The following PTGS2 variants were observed in gnomAD, a reference collection of about 807,000 sequenced individuals.
The protein encoded by PTGS2 is prostaglandin-endoperoxide synthase 2.
In PTGS2, 14 loss-of-function variants were observed where a neutral mutation model predicts 63.8. The ratio of observed to expected loss-of-function variants is 0.22; its 90% confidence interval spans 0.14 to 0.34. The LOEUF is 0.34. Ranked by LOEUF, PTGS2 falls within the 10% of genes least tolerant of loss-of-function variation. The pLI, the probability that PTGS2 is intolerant of heterozygous loss-of-function variation, is 1.00. For synonymous variants in PTGS2, 271 were observed against 259.5 expected, an observed-to-expected ratio of 1.04 and a Z score of -0.43; for missense variants, 533 against 738.5, an observed-to-expected ratio of 0.72 and a Z score of 3.23.
At position 186,677,784 on chromosome 1, in the gene PTGS2, A is replaced by G; in HGVS notation, c.504T>C (p.Leu168=). The change falls in exon 5 of 10, where the codon CTT becomes CTC. Residue 168 remains leucine (L), a synonymous_variant. Transcript: ENST00000367468. ...GATCAGGGATGAACTTTCTTCTTAGAAGCAATTTTTCCACAATCTCATTTG... is the reference window on the plus strand; with the variant it reads ...GATCAGGGATGAACTTTCTTCTTAGGAGCAATTTTTCCACAATCTCATTTG... ...PDSNEIVEKL[L]LRRKFIPDPQ... 1 of 1,613,486 alleles carries G rather than the reference A, an allele frequency of 6.2e-7. No individual in the cohort carries two copies.
At chr1:186,678,218 C>T (rs752484424) in intron 4 of PTGS2, 43 bp downstream of exon 4, 15 of 1,499,416 alleles carry the variant, frequency 1.0e-5, no homozygotes, top group African/African-American at 2.9e-5. Flanking sequence ...CAATGCAGCC[C>T]GTCTTATAGT....
intron 7 of PTGS2, 134 bp from the exon 8 acceptor site, chr1:186,676,318 A>T: frequency 7.3e-7 from 1 of 1,372,906 alleles, no homozygotes; most frequent in Non-Finnish European, 9.9e-7. Flanking sequence ...AAAGATAGCT[A>T]TTTTATCAGT....
chr1:186,679,398 T>C lies in PTGS2; in HGVS notation c.93A>G (p.Val31=). The C allele has an allele frequency of 1.2e-6, 2 of 1,614,168 alleles. No homozygotes were observed. Among genetic ancestry groups the C allele is most frequent in the Non-Finnish European group, 1.7e-6 (2 of 1,180,018 alleles). ...ACTGGTCAAATCCCACACTCATACA[T>C]ACACCTCGGTTTTGACATGGGTGGG... The part of the protein sequence containing the change: ...CCSHPCQNRG[V]CMSVGFDQYK... Residue 31 remains valine, a synonymous_variant, in exon 2 of 10, where the codon GTA becomes GTG. Transcript: ENST00000367468.
Position 186,679,315 on chromosome 1 carries a change from A to C in PTGS2, c.169+7T>G, listed in dbSNP as rs1423834208. 1 of 1,613,952 alleles carries C rather than the reference A, an allele frequency of 6.2e-7. No homozygotes were observed. Among genetic ancestry groups the C allele is most frequent in the Non-Finnish European group, 8.5e-7 (1 of 1,179,948 alleles). On this transcript the variant is annotated splice_region_variant and intron_variant, in intron 2 of 9. Transcript: ENST00000367468. Reference sequence around the variant, plus strand: ...CTCCTAATGAGGCAACCAAAGGACAAACTTACGTGTTGAGCAGTTTTCTCC... The same window carrying C: ...CTCCTAATGAGGCAACCAAAGGACACACTTACGTGTTGAGCAGTTTTCTCC...
Position 186,674,330 on chromosome 1 carries a change from A to G in PTGS2, c.*23T>C. 1 of 1,402,292 alleles carries G rather than the reference A, an allele frequency of 7.1e-7. No homozygotes were observed. The allele number at this position is 1,402,292 out of a possible 1,614,324, so 86.9% of individuals were successfully genotyped here. A position where few individuals can be genotyped will look rare whatever the true frequency, so the allele number is the denominator to read the frequency against. ...ATTAATAGACATGGTTCATATAAAT[A>G]AATAAATATGATCATTAGACTTCTA... On this transcript the variant is annotated 3_prime_UTR_variant, in exon 10 of 10. Coordinates refer to ENST00000367468, the MANE Select transcript of PTGS2 (RefSeq NM_000963.4).
rs1665712943 is a variant in PTGS2 at position 186,672,837 on chromosome 1, T to C, written c.*1516A>G. 6 of 152,424 alleles carry C rather than the reference T, an allele frequency of 3.9e-5. No individual in the cohort carries two copies. The highest frequency in any genetic ancestry group is 3.9e-4 in the Admixed American group (6 of 15,272). The allele number at this position is 152,424 out of a possible 1,614,324, so 9.4% of individuals were successfully genotyped here. ...GGTTACAGATAGCTAAAATTAGCTATAAATAAAATTCTCTGCTTTTCACTT... is the reference window on the plus strand; with the variant it reads ...GGTTACAGATAGCTAAAATTAGCTACAAATAAAATTCTCTGCTTTTCACTT... On this transcript the variant is annotated 3_prime_UTR_variant, in exon 10 of 10. Coordinates refer to ENST00000367468, the MANE Select transcript of PTGS2 (RefSeq NM_000963.4).
intron 3 of PTGS2, 123 bp downstream of exon 3, chr1:186,678,935 T>A: frequency 1.6e-6 from 2 of 1,264,314 alleles, no homozygotes; most frequent in Non-Finnish European, 2.1e-6. Flanking sequence ...AAGGCAAACT[T>A]AAAAGCTATC....
chr1:186,672,395 C>A lies in PTGS2; in HGVS notation c.*1958G>T, dbSNP rs200531158. The A allele has an allele frequency of 1.3e-5, 2 of 152,152 alleles. No individual in the cohort carries two copies. Among genetic ancestry groups the A allele is most frequent in the Non-Finnish European group, 2.9e-5 (2 of 67,976 alleles). 9.4% of individuals were successfully genotyped at this position (152,152 alleles called of 1,614,324 possible). ...GACAAACATTCAACCTTAAATATCT[C>A]AATATGCCAATCAGATTTCTAAAAA... is the stretch of plus-strand genomic sequence containing the variant. On this transcript the variant is annotated 3_prime_UTR_variant, in exon 10 of 10. Transcript: ENST00000367468.
In PTGS2 at chr1:186,679,115, T is replaced by C. The variant is rs1331433720; in HGVS notation, c.256A>G (p.Asn86Asp). The change falls in exon 3 of 10, where the codon AAC (asparagine) becomes GAC (aspartate). Residue 86 changes from asparagine to aspartate, a missense_variant. Transcript: ENST00000367468. ...YILTHFKGFW[N>D]VVNNIPFLRN... ...AGGAAGGGAATGTTATTCACAACGTTCCAAAATCCCTTGAAGTGGGTAAGT... is the reference window on the plus strand; with the variant it reads ...AGGAAGGGAATGTTATTCACAACGTCCCAAAATCCCTTGAAGTGGGTAAGT... 6.2e-7 allele frequency: 1 copy of C among 1,614,140 alleles called. No homozygotes were observed. Among genetic ancestry groups the C allele is most frequent in the Admixed American group, 1.7e-5 (1 of 60,020 alleles).
In PTGS2 at chr1:186,672,263, C is replaced by T. The variant is rs202089327; in HGVS notation, c.*2090G>A. The stretch of plus-strand genomic sequence containing the variant: ...AATAAATTGTGGCTGAACAAATTAA[C>T]GAAGCATCCACAGATCCCTCAAAAC... On this transcript the variant is annotated 3_prime_UTR_variant, in exon 10 of 10. Coordinates refer to ENST00000367468, the MANE Select transcript of PTGS2 (RefSeq NM_000963.4). 7 of 152,024 alleles carry T rather than the reference C, an allele frequency of 4.6e-5. No individual in the cohort carries two copies. The highest frequency in any genetic ancestry group is 9.7e-5 in the African/African-American group (4 of 41,426). The allele number at this position is 152,024 out of a possible 1,614,324, so 9.4% of individuals were successfully genotyped here. A position where few individuals can be genotyped will look rare whatever the true frequency, so the allele number is the denominator to read the frequency against.
chr1:186,676,361 T>G, intron 7 of PTGS2, 106 bp downstream of exon 7: 2 of 1,464,522 alleles, frequency 1.4e-6, no homozygotes, highest in Non-Finnish European at 1.9e-6. Context: ...ATAGAATGTG[T>G]GAGTTTTCAT....
rs1027460862 is a variant in PTGS2, at chr1:186,672,208, C to A, written c.*2145G>T. On this transcript the variant is annotated 3_prime_UTR_variant, in exon 10 of 10. Coordinates refer to ENST00000367468, the MANE Select transcript of PTGS2 (RefSeq NM_000963.4). ...AGCGTTTGATTTAAAAATATTAAAA[C>A]CCACAGTGCTTGACACAGAATATTT... The A allele has an allele frequency of 2.0e-5, 3 of 151,954 alleles. No homozygotes were observed. Among genetic ancestry groups the A allele is most frequent in the African/African-American group, 7.2e-5 (3 of 41,396 alleles). The allele number at this position is 151,954 out of a possible 1,614,324, so 9.4% of individuals were successfully genotyped here.
chr1:186,678,576 A>G lies in PTGS2; in HGVS notation c.314-172T>C, dbSNP rs563412199. Among the ~76,000 whole-genome samples the G allele has an allele frequency of 1.4e-4, 21 of 152,352 alleles. 1 individual carries two copies. The South Asian group carries it at 4.4e-3, about 32-fold the overall frequency. ...TTATAGTCTAATGGCCACTTGAAAT[A>G]CATCTTTAATAAAATACATATACTC... On this transcript the variant is annotated intron_variant, in intron 3 of 9. Coordinates refer to ENST00000367468, the MANE Select transcript of PTGS2 (RefSeq NM_000963.4).
At chr1:186,675,690 G>A (rs1003757875) in intron 8 of PTGS2, 71 of 623,202 alleles carry the variant, frequency 1.1e-4, no homozygotes, top group Non-Finnish European at 1.7e-4. Context: ...TAAGGTAGGG[G>A]TACAATTTGC....
rs910492378 is a variant in PTGS2 at position 186,679,305 on chromosome 1, C to G, written c.169+17G>C. On this transcript the variant is annotated intron_variant, in intron 2 of 9. Transcript: ENST00000367468. The stretch of plus-strand genomic sequence containing the variant: ...TCCAGCCCCACTCCTAATGAGGCAA[C>G]CAAAGGACAAACTTACGTGTTGAGC... The G allele has an allele frequency of 6.2e-6, 10 of 1,613,782 alleles. No individual in the cohort carries two copies. The highest frequency in any genetic ancestry group is 1.3e-5 in the African/African-American group (1 of 75,030).
At chr1:186,676,395 A>C in intron 7 of PTGS2, 72 bp downstream of exon 7, 1 of 1,559,560 alleles carries the variant, frequency 6.4e-7, no homozygotes, top group Non-Finnish European at 8.7e-7. Context: ...TCATTTACTC[A>C]AAACATAACA....
At position 186,679,644 on chromosome 1, in the gene PTGS2, T is replaced by C. The variant is rs542612715; in HGVS notation, c.53-206A>G. On this transcript the variant is annotated intron_variant, in intron 1 of 9. Transcript: ENST00000367468. The stretch of plus-strand genomic sequence containing the variant: ...ATTCTAAATAAGGATAACAGCATAT[T>C]CAACTTGGTACATCATGTTACTAAG... Among the ~76,000 whole-genome samples, 5 of 152,322 alleles carry C rather than the reference T, an allele frequency of 3.3e-5. No individual in the cohort carries two copies. In the East Asian group the frequency reaches 9.7e-4, roughly 29 times the overall value.
Position 186,676,172 on chromosome 1 carries a change from T to C in PTGS2, c.983A>G (p.Lys328Arg), listed in dbSNP as rs199520386. 8.6e-5 allele frequency: 139 copies of C among 1,608,816 alleles called. 1 individual carries two copies. The highest frequency in any genetic ancestry group is 1.7e-6 in the Non-Finnish European group (2 of 1,176,024). The part of the protein sequence containing the change: ...SRLILIGETI[K>R]IVIEDYVQHL... ...TTGCACATAATCTTCAATCACAATC[T>C]TAATAGTCTCTCCTATTTGCACAAA... Residue 328 changes from lysine (K) to arginine (R), a missense_variant, in exon 8 of 10, where the codon AAG becomes AGG. Physicochemically the swap from Lys to Arg is conservative, Grantham distance 26. Around this residue, in one of 5 missense-constraint regions of PTGS2, gnomAD observed 67 missense variants for 152.6 expected, o/e 0.44. Coordinates refer to ENST00000367468, the MANE Select transcript of PTGS2 (RefSeq NM_000963.4).
At chr1:186,678,838 T>C (rs1459923274) in intron 3 of PTGS2, among the ~76,000 whole-genome samples, 1 of 152,162 alleles carries the variant, frequency 6.6e-6, no homozygotes, top group Non-Finnish European at 1.5e-5. Context: ...GACCAAACAG[T>C]AAAGGTTAGA....
Sources: allele counts gnomAD v4.1 joint callset (sites outside exome capture counted in the v4.1 genomes callset), GRCh38; gene constraint gnomAD v4.1.1; regional missense constraint gnomAD v4.1.1; transcripts MANE v1.5; gene names NCBI Gene and HGNC (gene_info 2026-07-23, HGNC 2026-07-21).